Variants in TTC7A observed in about 807,000 individuals in gnomAD.
The protein encoded by TTC7A is tetratricopeptide repeat protein 7A.
Under a neutral mutation model 103.7 loss-of-function variants are expected in TTC7A, and 110 were observed. The observed-to-expected ratio is 1.06, with a 90% CI of 0.91 to 1.24. The LOEUF (loss-of-function observed/expected upper bound fraction) is 1.24, where lower values mean the gene tolerates loss of function less well. Among genes scored for constraint, TTC7A ranks in the 50% most tolerant of loss-of-function variants. The pLI is 0.00. For synonymous variants in TTC7A, 521 were observed against 467.9 expected, an observed-to-expected ratio of 1.11 and a Z score of -1.47; for missense variants, 1,340 against 1,116.3, an observed-to-expected ratio of 1.20 and a Z score of -2.86.
At chr2:46,920,209 G>A (rs909117155) in intron 2 of TTC7A, among the ~76,000 whole-genome samples, 4 of 152,132 alleles carry the variant, frequency 2.6e-5, no homozygotes, top group African/African-American at 7.2e-5. Flanking sequence ...CATAATGTAT[G>A]TATTAAATCA....
At chr2:47,059,296 C>T (rs1186360418) in intron 18 of TTC7A, among the ~76,000 whole-genome samples, 1 of 152,068 alleles carries the variant, frequency 6.6e-6, no homozygotes, top group East Asian at 1.9e-4. Flanking sequence ...GCTGGGACTA[C>T]AGGCGTGAGC....
At chr2:47,036,770 A>AATC (rs1186597946) in intron 15 of TTC7A, among the ~76,000 whole-genome samples, 1 of 152,136 alleles carries the variant, frequency 6.6e-6, no homozygotes, top group Non-Finnish European at 1.5e-5. Flanking sequence ...GGGTGAGAGG[A>AATC]TTGGTTGAGC....
Position 47,055,095 on chromosome 2 carries a change from C to G in TTC7A, c.2152+3215C>G, listed in dbSNP as rs368258910. On this transcript the variant is annotated intron_variant, in intron 18 of 19. Coordinates refer to ENST00000319190, the MANE Select transcript of TTC7A (RefSeq NM_020458.4). ...AGGACCAGATCACCAGGGCAATGAT[C>G]TCCCTAAACCGCCTCCCCCACCTGA... Among the ~76,000 whole-genome samples the G allele has an allele frequency of 1.3e-3, 195 of 152,236 alleles. No homozygotes were observed. The East Asian group carries it at 0.033, about 26-fold the overall frequency.
rs72806575 is a variant in TTC7A at position 47,007,545 on chromosome 2, C to T, written c.1287+821C>T. Among the ~76,000 whole-genome samples the T allele has an allele frequency of 0.037, 5,576 of 152,254 alleles. 118 individuals carry two copies. The highest frequency in any genetic ancestry group is 0.043 in the African/African-American group (1,767 of 41,552). On this transcript the variant is annotated intron_variant, in intron 10 of 19. Coordinates refer to ENST00000319190, the MANE Select transcript of TTC7A (RefSeq NM_020458.4). This position sits in a 1 kb window ranked among gnomAD's most constrained non-coding sequence, Gnocchi z 4.9. The stretch of plus-strand genomic sequence containing the variant: ...CTGAGGGAATTCCTCGCCCCCCTGG[C>T]CCATCTGTGCCACGTTCCATTTCTG...
At chr2:46,963,956 T>C (rs567831254) in intron 3 of TTC7A, among the ~76,000 whole-genome samples, 3 of 152,258 alleles carry the variant, frequency 2.0e-5, no homozygotes, top group Admixed American at 6.5e-5. Flanking sequence ...TCTTGTGGAC[T>C]GAGATGTGGG....
upstream of TTC7A, among the ~76,000 whole-genome samples, chr2:46,937,172 T>C (rs188988810): frequency 1.3e-5 from 2 of 152,212 alleles, no homozygotes; most frequent in East Asian, 3.9e-4. This position sits in a 1 kb window ranked among gnomAD's most constrained non-coding sequence, Gnocchi z 4.0. Context: ...ATTACTTCCT[T>C]AACAGATTTC....
intron 19 of TTC7A, among the ~76,000 whole-genome samples, chr2:47,070,602 T>C (rs1312323490): frequency 6.6e-6 from 1 of 151,952 alleles, no homozygotes; most frequent in Non-Finnish European, 1.5e-5. Flanking sequence ...CTTGAGGCGG[T>C]TGTGTGGTCA....
In TTC7A at chr2:47,021,886, A is replaced by C; in HGVS notation, c.1417A>C (p.Met473Leu). The change falls in exon 12 of 20, where the codon ATG becomes CTG. Residue 473 changes from methionine (M) to leucine (L), a missense_variant. Met to Leu is a conservative substitution (Grantham distance 15, BLOSUM62 2). Transcript: ENST00000319190. Reference protein sequence around the residue: ...RWLEEAEHFAMMVISLGEEAG... With the variant: ...RWLEEAEHFALMVISLGEEAG... ...GCTAGAGGAAGCAGAGCACTTTGCC[A>C]TGATGGTGATCAGCCTCGGAGAGGA... 6.2e-7 allele frequency: 1 copy of C among 1,614,154 alleles called. No homozygotes were observed. The highest frequency in any genetic ancestry group is 2.2e-5 in the East Asian group (1 of 44,884).
Position 46,994,455 on chromosome 2 carries a change from G to A in TTC7A, c.942G>A (p.Lys314=). 6.2e-7 allele frequency: 1 copy of A among 1,614,106 alleles called. No individual in the cohort carries two copies. The highest frequency in any genetic ancestry group is 8.5e-7 in the Non-Finnish European group (1 of 1,180,002). ...ACCCTCTGCCTGAGTTCATGGGCAA[G>A]GAGGAGAGTTCTTTCGCCACTCAGG... ...LSHPLPEFMG[K]EESSFATQAL... Residue 314 remains lysine, a synonymous_variant, in exon 7 of 20, where the codon AAG becomes AAA. Coordinates refer to ENST00000319190, the MANE Select transcript of TTC7A (RefSeq NM_020458.4).
intron 18 of TTC7A, among the ~76,000 whole-genome samples, chr2:47,058,488 C>A (rs937020468): frequency 2.0e-5 from 3 of 152,224 alleles, no homozygotes; most frequent in African/African-American, 7.2e-5. Context: ...GGTTTCTCCA[C>A]CTCTTTCTGG....
chr2:47,030,496 G>A (rs532855979), intron 15 of TTC7A, among the ~76,000 whole-genome samples: 45 of 152,322 alleles, frequency 3.0e-4, no homozygotes, highest in African/African-American at 1.1e-3. Context: ...GAGCACTGCT[G>A]TTGATGGCTT....
intron 19 of TTC7A, among the ~76,000 whole-genome samples, chr2:47,069,924 A>G (rs1286089149): frequency 6.6e-6 from 1 of 151,982 alleles, no homozygotes; most frequent in Non-Finnish European, 1.5e-5. Context: ...AGGCTGTTAC[A>G]GAATCCCAGG....
chr2:47,064,858 C>T (rs555450768), intron 19 of TTC7A, among the ~76,000 whole-genome samples: 1 of 152,320 alleles, frequency 6.6e-6, no homozygotes, highest in Non-Finnish European at 1.5e-5. Context: ...AACAATTTTC[C>T]CTCTACCTTT....
In TTC7A at chr2:47,043,328, G is replaced by T. The variant is rs1432853393; in HGVS notation, c.1803-2987G>T. Among the ~76,000 whole-genome samples the T allele has an allele frequency of 2.6e-5, 4 of 152,186 alleles. No homozygotes were observed. In the East Asian group the frequency reaches 7.7e-4, roughly 29 times the overall value. On this transcript the variant is annotated intron_variant, in intron 15 of 19. Coordinates refer to ENST00000319190, the MANE Select transcript of TTC7A (RefSeq NM_020458.4). Reference sequence around the variant, plus strand: ...CAGGAAGGCTGTCTTAGAGGGGGTTGTGCACAGCCCCCATGGGGATACAGA... The same window carrying T: ...CAGGAAGGCTGTCTTAGAGGGGGTTTTGCACAGCCCCCATGGGGATACAGA...
At chr2:47,017,962 A>G (rs1389073340) in intron 11 of TTC7A, among the ~76,000 whole-genome samples, 1 of 152,278 alleles carries the variant, frequency 6.6e-6, no homozygotes, top group East Asian at 1.9e-4. Context: ...ATATATGAGT[A>G]GTTGTAATTG....
At chr2:46,994,566 GT>G in intron 7 of TTC7A, 52 bp downstream of exon 7, 1 of 1,586,194 alleles carries the variant, frequency 6.3e-7, no homozygotes, top group African/African-American at 1.3e-5. Flanking sequence ...CTCACGCAGG[GT>G]TCTGTCCCCA....
chr2:46,956,526 T>TG, intron 2 of TTC7A: 1 of 325,664 alleles, frequency 3.1e-6, no homozygotes, highest in Middle Eastern at 9.5e-4. Context: ...CTGCAGTCTT[T>TG]GGGGGGATTC....
intron 2 of TTC7A, among the ~76,000 whole-genome samples, chr2:46,920,032 T>C (rs1004361403): frequency 6.6e-6 from 1 of 152,212 alleles, no homozygotes; most frequent in Non-Finnish European, 1.5e-5. Context: ...TCAGATATAC[T>C]ATAAACTGGG....
chr2:47,041,181 G>A (rs1572999697), intron 15 of TTC7A, among the ~76,000 whole-genome samples: 2 of 152,116 alleles, frequency 1.3e-5, no homozygotes, highest in African/African-American at 4.8e-5. Context: ...CTTTGCTTCT[G>A]GACAGTTTGG....
Sources: allele counts gnomAD v4.1 joint callset (sites outside exome capture counted in the v4.1 genomes callset), GRCh38; gene constraint gnomAD v4.1.1; non-coding constraint Gnocchi (gnomAD v3.1); transcripts MANE v1.5; gene names NCBI Gene and HGNC (gene_info 2026-07-23, HGNC 2026-07-21).